AMOT: variants seen among roughly 807,000 people sequenced by gnomAD.
AMOT encodes the protein angiomotin.
A neutral mutation model predicts 67.0 loss-of-function variants in AMOT; 11 were observed. The ratio of observed to expected loss-of-function variants is 0.16; its 90% CI spans 0.10 to 0.27. AMOT has a LOEUF of 0.27. Ranked by LOEUF, AMOT falls within the 10% of genes least tolerant of loss-of-function variation. The pLI, the probability that AMOT is intolerant of heterozygous loss-of-function variation, is 1.00. For synonymous variants in AMOT, 326 were observed against 321.4 expected (o/e 1.01, Z -0.15); for missense variants, 753 against 852.0 (o/e 0.88, Z 1.45).
At chrX:112,783,805 G>A (rs893536788) in intron 10 of AMOT, among the ~76,000 whole-genome samples, 3 of 110,326 alleles carry the variant, frequency 2.7e-5, no homozygotes, top group African/African-American at 6.6e-5. Flanking sequence ...ACAATAGACC[G>A]AGAAAACAAT....
At chrX:112,782,707 C>T in intron 10 of AMOT, 45 bp from the exon 11 acceptor site, 1 of 1,167,303 alleles carries the variant, frequency 8.6e-7, no homozygotes, top group East Asian at 3.0e-5. Context: ...ATAGCAAGAT[C>T]AATGAATGTT....
At chrX:112,797,208 G>A (rs1933851969) in intron 8 of AMOT, among the ~76,000 whole-genome samples, 1 of 111,334 alleles carries the variant, frequency 9.0e-6, no homozygotes, top group Non-Finnish European at 1.9e-5. Flanking sequence ...CAGAATCTTG[G>A]AATTATCATT....
At chrX:112,838,568 C>A (rs1167362860) in intron 1 of AMOT, among the ~76,000 whole-genome samples, 1 of 112,442 alleles carries the variant, frequency 8.9e-6, no homozygotes, top group Non-Finnish European at 1.9e-5. Context: ...GAAAAAGCAA[C>A]TCTACAAATG....
At chrX:112,826,105 C>T (rs1272094678) in intron 2 of AMOT, among the ~76,000 whole-genome samples, 1 of 111,633 alleles carries the variant, frequency 9.0e-6, no homozygotes, top group Admixed American at 9.5e-5. Context: ...CCTGGACTCT[C>T]TGCAAAGCCT....
intron 7 of AMOT, among the ~76,000 whole-genome samples, chrX:112,806,571 T>A (rs1248003676): frequency 9.1e-6 from 1 of 109,896 alleles, no homozygotes; most frequent in African/African-American, 3.3e-5. Flanking sequence ...TAAACATCTG[T>A]GGATGGATAT....
At chrX:112,804,898 T>TTGCCCCCCCCC in intron 8 of AMOT, 49 bp downstream of exon 8, 58 of 837,483 alleles carry the variant, frequency 6.9e-5, no homozygotes, top group Middle Eastern at 3.9e-4. Context: ...GTCCCCGATT[T>TTGCCCCCCCCC]CCCAGCCCTC....
At chrX:112,788,049 G>A (rs1419792328) in intron 10 of AMOT, among the ~76,000 whole-genome samples, 1 of 111,128 alleles carries the variant, frequency 9.0e-6, no homozygotes, top group Non-Finnish European at 1.9e-5. Context: ...CAGCATTTTG[G>A]GAGGCCGAGA....
chrX:112,829,181 C>T (rs1471862043), intron 2 of AMOT, among the ~76,000 whole-genome samples: 1 of 111,490 alleles, frequency 9.0e-6, no homozygotes, highest in African/African-American at 3.3e-5. Context: ...TTGTTCCTAT[C>T]TCTACCTCTA....
In AMOT at chrX:112,779,397, A is replaced by G. The variant is rs1193426505; in HGVS notation, c.2757T>C (p.Ala919=). ...AAAPVAVAAA[A]APAAAAAPSP... is the part of the protein sequence containing the mutation. ...ACGGGGCAGCAGCAGCAGCTGGAGC[A>G]GCAGCAGCAGCAACAGCAACTGGAG... The change falls in exon 13 of 14, where the codon GCT becomes GCC. Residue 919 remains alanine (A), a synonymous_variant. Transcript: ENST00000371959. The G allele has an allele frequency of 9.6e-7, 1 of 1,044,193 alleles. No homozygotes were observed. Among genetic ancestry groups the G allele is most frequent in the Admixed American group, 2.6e-5 (1 of 38,087 alleles). The allele number at this position is 1,044,193 out of a possible 1,213,427, so 86.1% of individuals were successfully genotyped here.
At chrX:112,803,734 T>C (rs1208535035) in intron 8 of AMOT, among the ~76,000 whole-genome samples, 1 of 112,247 alleles carries the variant, frequency 8.9e-6, no homozygotes, top group South Asian at 3.7e-4. Flanking sequence ...GACCTATTCT[T>C]ATTGAGGGAA....
intron 1 of AMOT, among the ~76,000 whole-genome samples, chrX:112,835,309 C>T (rs1290093341): frequency 9.0e-6 from 1 of 111,421 alleles, no homozygotes; most frequent in Non-Finnish European, 1.9e-5. Context: ...AATGATATTT[C>T]ATGGAGTTAG....
intron 4 of AMOT, among the ~76,000 whole-genome samples, chrX:112,821,696 G>A (rs1311407596): frequency 8.9e-6 from 1 of 111,916 alleles, no homozygotes; most frequent in Non-Finnish European, 1.9e-5. Flanking sequence ...CATAAGGCAA[G>A]TAACATTCTG....
Position 112,774,914 on chromosome X carries a change from G to A in AMOT, c.*3653C>T, listed in dbSNP as rs1932906045. On this transcript the variant is annotated 3_prime_UTR_variant, in exon 14 of 14. Coordinates refer to ENST00000371959, the MANE Select transcript of AMOT (RefSeq NM_001113490.2). ...TAGCTAACTTTATTGTCAGTGAAAAGATAGGCACAAAGTGGATTTAAACCT... is the reference window on the plus strand; with the variant it reads ...TAGCTAACTTTATTGTCAGTGAAAAAATAGGCACAAAGTGGATTTAAACCT... The A allele has an allele frequency of 8.9e-6, 1 of 112,433 alleles. No individual in the cohort carries two copies. Among genetic ancestry groups the A allele is most frequent in the African/African-American group, 3.2e-5 (1 of 30,950 alleles). 9.3% of individuals were successfully genotyped at this position (112,433 alleles called of 1,213,427 possible).
At chrX:112,795,305 A>G (rs1048751499) in intron 8 of AMOT, among the ~76,000 whole-genome samples, 3 of 110,080 alleles carry the variant, frequency 2.7e-5, no homozygotes, top group African/African-American at 1.0e-4. Context: ...ACAGATATAC[A>G]TATCAGAAAT....
At chrX:112,798,834 C>G (rs954966009) in intron 8 of AMOT, among the ~76,000 whole-genome samples, 2 of 111,684 alleles carry the variant, frequency 1.8e-5, no homozygotes, top group Non-Finnish European at 3.8e-5. Flanking sequence ...TGAGCTCAAT[C>G]AATCATATGA....
intron 5 of AMOT, among the ~76,000 whole-genome samples, chrX:112,814,319 T>C (rs1174111013): frequency 9.1e-6 from 1 of 109,595 alleles, no homozygotes; most frequent in Non-Finnish European, 1.9e-5. Context: ...CTGCTGATAA[T>C]AAGCCCCTGT....
At position 112,791,921 on chromosome X, in the gene AMOT, G is replaced by C; in HGVS notation, c.1837C>G (p.Leu613Val). Reference sequence around the variant, plus strand: ...TCACGTTTTTCACATGCTGCCTGGAGCTGTACAAGGGCCTGCTGCATCTTC... The same window carrying C: ...TCACGTTTTTCACATGCTGCCTGGACCTGTACAAGGGCCTGCTGCATCTTC... Reference protein sequence around the residue: ...VEKMQQALVQLQAACEKREQL... With the variant: ...VEKMQQALVQVQAACEKREQL... Residue 613 changes from leucine (L) to valine (V), a missense_variant, in exon 9 of 14, where the codon CTC (leucine) becomes GTC (valine). Leu to Val is a conservative substitution (Grantham distance 32, BLOSUM62 1). Coordinates refer to ENST00000371959, the MANE Select transcript of AMOT (RefSeq NM_001113490.2). The C allele has an allele frequency of 8.3e-7, 1 of 1,211,891 alleles. No homozygotes were observed. The highest frequency in any genetic ancestry group is 1.1e-6 in the Non-Finnish European group (1 of 895,461).
chrX:112,782,433 G>C, intron 11 of AMOT, 107 bp downstream of exon 11: 1 of 1,061,439 alleles, frequency 9.4e-7, no homozygotes, highest in Non-Finnish European at 1.3e-6. Flanking sequence ...AGGGGTGATG[G>C]TGGAGCGGGG....
chrX:112,813,845 G>A (rs1313707328), intron 5 of AMOT, among the ~76,000 whole-genome samples: 1 of 111,744 alleles, frequency 8.9e-6, no homozygotes, highest in African/African-American at 3.3e-5. Context: ...ATGGGGATAG[G>A]GATATAGTTA....
Sources: gnomAD v4.1 joint callset for allele counts (sites outside exome capture counted in the v4.1 genomes callset) on GRCh38, gnomAD v4.1.1 for gene constraint, MANE v1.5 for transcripts, NCBI Gene and HGNC (gene_info 2026-07-23, HGNC 2026-07-21) for gene names.